MICU1: variants seen among roughly 807,000 people sequenced by gnomAD.
MICU1 encodes the protein calcium uptake protein 1, mitochondrial.
A neutral mutation model predicts 56.8 loss-of-function variants in MICU1; 45 were observed. That is an observed-to-expected ratio of 0.79 (90% CI 0.62 to 1.02). MICU1 has a LOEUF of 1.02. MICU1 is among the 50% of genes least tolerant of loss of function. MICU1 has a pLI of 0.00. For missense variants in MICU1, 504 were observed against 587.1 expected (o/e 0.86, Z 1.46); for synonymous variants, 186 against 195.1 (o/e 0.95, Z 0.39).
chr10:72,596,500 C>T (rs185147626), intron 1 of MICU1, among the ~76,000 whole-genome samples: 1 of 152,036 alleles, frequency 6.6e-6, no homozygotes, highest in Non-Finnish European at 1.5e-5. Context: ...CACTTCTGAA[C>T]CATACACTTA....
chr10:72,477,671 T>C (rs1866166056), intron 6 of MICU1: 1 of 829,654 alleles, frequency 1.2e-6, no homozygotes, highest in Non-Finnish European at 1.9e-6. Context: ...CACTACATCT[T>C]AGTCTTACCC....
intron 6 of MICU1, among the ~76,000 whole-genome samples, chr10:72,497,905 T>C (rs1459489265): frequency 6.6e-6 from 1 of 152,232 alleles, no homozygotes. Context: ...CAATATCAGG[T>C]GCTCTGGAAA....
At chr10:72,535,099 G>C (rs930114415) in intron 4 of MICU1, among the ~76,000 whole-genome samples, 4 of 148,586 alleles carry the variant, frequency 2.7e-5, no homozygotes, top group African/African-American at 1.0e-4. Context: ...GCATGATCTT[G>C]GCTCACTGCA....
chr10:72,445,872 T>C (rs1030884690), intron 8 of MICU1, among the ~76,000 whole-genome samples: 2 of 152,192 alleles, frequency 1.3e-5, no homozygotes, highest in African/African-American at 4.8e-5. Context: ...TGTGAAACCA[T>C]ATAAAAGCCC....
intron 8 of MICU1, among the ~76,000 whole-genome samples, chr10:72,440,382 T>C (rs1379806302): frequency 6.6e-6 from 1 of 152,144 alleles, no homozygotes; most frequent in Non-Finnish European, 1.5e-5. Flanking sequence ...TCCTTATACC[T>C]TATACAAAAA....
At chr10:72,481,424 T>C (rs182734458) in intron 6 of MICU1, among the ~76,000 whole-genome samples, 7 of 152,298 alleles carry the variant, frequency 4.6e-5, no homozygotes, top group African/African-American at 4.8e-5. Context: ...TGTTTTTTGT[T>C]TTTTTGAGAC....
chr10:72,411,441 C>T (rs1863811053), intron 9 of MICU1, among the ~76,000 whole-genome samples: 1 of 151,932 alleles, frequency 6.6e-6, no homozygotes, highest in Non-Finnish European at 1.5e-5. Flanking sequence ...CATTCTCCTA[C>T]CTCAGCCTCC....
intron 10 of MICU1, among the ~76,000 whole-genome samples, chr10:72,404,824 T>C (rs1248873136): frequency 1.3e-5 from 2 of 152,202 alleles, no homozygotes; most frequent in African/African-American, 4.8e-5. Context: ...TTCTATCAAA[T>C]ACAGCTCAGA....
intron 8 of MICU1, among the ~76,000 whole-genome samples, chr10:72,462,430 A>G (rs1408771265): frequency 6.6e-6 from 1 of 152,164 alleles, no homozygotes; most frequent in African/African-American, 2.4e-5. Context: ...TAAAGCACTT[A>G]GAATAGTGTC....
chr10:72,624,757 G>A (rs746915706), intron 1 of MICU1, among the ~76,000 whole-genome samples: 6 of 152,180 alleles, frequency 3.9e-5, no homozygotes, highest in Non-Finnish European at 8.8e-5. Context: ...GGTAGCCAGA[G>A]TGATGTTCTT....
intron 10 of MICU1, among the ~76,000 whole-genome samples, chr10:72,383,772 A>T (rs1862798141): frequency 6.6e-6 from 1 of 152,134 alleles, no homozygotes. Flanking sequence ...GAAATTAAAG[A>T]CTAAATAGTC....
At chr10:72,475,688 C>T (rs1866097239) in intron 7 of MICU1, among the ~76,000 whole-genome samples, 1 of 152,116 alleles carries the variant, frequency 6.6e-6, no homozygotes, top group African/African-American at 2.4e-5. Flanking sequence ...CTTGGCCTCC[C>T]AAAGTTCTGG....
intron 4 of MICU1, among the ~76,000 whole-genome samples, chr10:72,547,414 ATTAT>A (rs1305025758): frequency 2.0e-5 from 3 of 151,992 alleles, no homozygotes; most frequent in Admixed American, 6.6e-5. Flanking sequence ...ATTATAAAAG[ATTAT>A]TTAAGAGGGC....
chr10:72,546,076 G>C (rs943903490), intron 4 of MICU1, among the ~76,000 whole-genome samples: 4 of 152,142 alleles, frequency 2.6e-5, no homozygotes, highest in Admixed American at 6.6e-5. Context: ...GAATCCCTTT[G>C]GCTAAGGGGA....
At chr10:72,532,478 A>C (rs1443116868) in intron 5 of MICU1, among the ~76,000 whole-genome samples, 1 of 152,042 alleles carries the variant, frequency 6.6e-6, no homozygotes, top group Non-Finnish European at 1.5e-5. Flanking sequence ...CCCATGCTGG[A>C]CTCTGAGTGA....
chr10:72,390,232 T>G (rs1863026236), intron 10 of MICU1, among the ~76,000 whole-genome samples: 1 of 152,176 alleles, frequency 6.6e-6, no homozygotes, highest in Admixed American at 6.5e-5. Context: ...TTTTTTACTC[T>G]GGAGGAACTG....
Position 72,601,838 on chromosome 10 carries a change from C to T in MICU1, c.-2+24172G>A, listed in dbSNP as rs1213950075. The stretch of plus-strand genomic sequence containing the variant: ...TTTTTGAGGCAGAGTCTTGCTCTGT[C>T]ACCCAGGGTGGAGTGCAGTAGCATG... On this transcript the variant is annotated intron_variant, in intron 1 of 11. Coordinates refer to ENST00000361114, the MANE Select transcript of MICU1 (RefSeq NM_001195518.2). Among the ~76,000 whole-genome samples the T allele has an allele frequency of 2.0e-5, 3 of 148,892 alleles. No individual in the cohort carries two copies. The East Asian group carries it at 6.1e-4, about 30-fold the overall frequency.
chr10:72,409,790 ATATGATGAC>A (rs1237041618), intron 9 of MICU1, among the ~76,000 whole-genome samples: 1 of 152,250 alleles, frequency 6.6e-6, no homozygotes, highest in Non-Finnish European at 1.5e-5. Context: ...TTATTGTGGA[ATATGATGAC>A]TATATAGAAA....
At chr10:72,428,365 G>A (rs1387834810) in intron 8 of MICU1, among the ~76,000 whole-genome samples, 2 of 151,990 alleles carry the variant, frequency 1.3e-5, no homozygotes, top group Non-Finnish European at 2.9e-5. Flanking sequence ...GCCCAGGATG[G>A]AGTGCAATGG....
Sources: allele counts gnomAD v4.1 joint callset (sites outside exome capture counted in the v4.1 genomes callset), GRCh38; gene constraint gnomAD v4.1.1; transcripts MANE v1.5; gene names NCBI Gene and HGNC (gene_info 2026-07-23, HGNC 2026-07-21).